CALU: variants seen among roughly 807,000 people sequenced by gnomAD.
The protein encoded by CALU is IEF SSP 9302.
A neutral mutation model predicts 37.5 loss-of-function variants in CALU; 13 were observed. The ratio of observed to expected loss-of-function variants is 0.35; its 90% confidence interval spans 0.23 to 0.55. The LOEUF (loss-of-function observed/expected upper bound fraction) is 0.55, where lower values mean the gene tolerates loss of function less well. Ranked by LOEUF, CALU falls within the 20% of genes least tolerant of loss-of-function variation. The pLI, the probability that CALU is intolerant of heterozygous loss-of-function variation, is 0.89. For synonymous variants in CALU, 114 were observed against 133.8 expected, an observed-to-expected ratio of 0.85 and a Z score of 1.02; for missense variants, 282 against 391.7, an observed-to-expected ratio of 0.72 and a Z score of 2.36.
In CALU at chr7:128,740,163, A is replaced by G. The variant is rs775844039; in HGVS notation, c.-12+731A>G. 4.6e-5 allele frequency among the ~76,000 whole-genome samples: 7 copies of G among 152,220 alleles called. No individual in the cohort carries two copies. The South Asian group carries it at 1.0e-3, about 23-fold the overall frequency. ...CGGTCAGAAATAAACTTAATTCCCT[A>G]TAGCTGCCGCGATTAAGCGTAGAGT... is the stretch of plus-strand genomic sequence containing the variant. On this transcript the variant is annotated intron_variant, in intron 1 of 6. Transcript: ENST00000249364.
rs1800550598 is a variant in CALU, at chr7:128,748,864, T to C, written c.221+60T>C. On this transcript the variant is annotated intron_variant, in intron 2 of 6. Coordinates refer to ENST00000249364, the MANE Select transcript of CALU (RefSeq NM_001219.5). ...AATGACATTCTTTATAAAGGCTAAT[T>C]CTTTTCTTTTCTGGCTCAGTTATGA... 2.7e-6 allele frequency: 3 copies of C among 1,129,664 alleles called. No individual in the cohort carries two copies. In the Admixed American group the frequency reaches 6.1e-5, roughly 23 times the overall value. The allele number at this position is 1,129,664 out of a possible 1,614,324, so 70.0% of individuals were successfully genotyped here.
In CALU at chr7:128,768,847, C is replaced by CAAAAAAAAAAAA. The variant is rs1012831963; in HGVS notation, c.844-206_844-195dup. Reference sequence around the variant, plus strand: ...GGGCAACAAGAGCGAAACTCCGTCTCAAAAAAAAAAAAAAAAAAAAACAAG... The same window carrying CAAAAAAAAAAAA: ...GGGCAACAAGAGCGAAACTCCGTCTCAAAAAAAAAAAAAAAAAAAAAAAAAAAAAAAAACAAG... On this transcript the variant is annotated intron_variant, in intron 6 of 6. Transcript: ENST00000249364. Among the ~76,000 whole-genome samples, 378 of 55,062 alleles carry CAAAAAAAAAAAA rather than the reference C, an allele frequency of 6.9e-3. 13 individuals carry two copies. The highest frequency in any genetic ancestry group is 0.011 in the Middle Eastern group (1 of 88). 36.1% of individuals were successfully genotyped at this position (55,062 alleles called of 152,430 possible).
intron 1 of CALU, chr7:128,748,087 G>A (rs893669081): frequency 6.3e-6 from 2 of 318,696 alleles, no homozygotes; most frequent in East Asian, 5.4e-5. Flanking sequence ...TTAAAGCTAC[G>A]AATGTCTGAA....
chr7:128,751,682 G>A (rs1800682112), intron 2 of CALU, among the ~76,000 whole-genome samples: 1 of 152,138 alleles, frequency 6.6e-6, no homozygotes, highest in Admixed American at 6.5e-5. Context: ...AGCTGTAATT[G>A]TACCACTGCC....
intron 5 of CALU, among the ~76,000 whole-genome samples, chr7:128,767,249 G>A (rs919777245): frequency 6.6e-6 from 1 of 152,196 alleles, no homozygotes; most frequent in Non-Finnish European, 1.5e-5. Context: ...CTTAAAATCA[G>A]CAGCTGGAAA....
intron 2 of CALU, 145 bp downstream of exon 2, chr7:128,748,949 C>G (rs994634977): frequency 3.3e-6 from 2 of 597,164 alleles, no homozygotes; most frequent in African/African-American, 3.7e-5. Context: ...ATTACTACCT[C>G]TAAAATTTCA....
intron 1 of CALU, among the ~76,000 whole-genome samples, chr7:128,746,700 C>T (rs1426109292): frequency 6.6e-6 from 1 of 151,806 alleles, no homozygotes; most frequent in Non-Finnish European, 1.5e-5. Flanking sequence ...GATCCGCCTG[C>T]ATTAGCCTCC....
intron 2 of CALU, among the ~76,000 whole-genome samples, chr7:128,749,127 C>G (rs1051024822): frequency 2.6e-5 from 4 of 152,208 alleles, no homozygotes; most frequent in Non-Finnish European, 5.9e-5. Flanking sequence ...CTTCTCATCT[C>G]TACTGCTTTT....
rs1045312817 is a variant in CALU, at chr7:128,770,520, T to C, written c.*1353T>C. ...TTTGGTTTGAGGACCATGGCTTACC[T>C]TTCCTGCCTTTGACCCATCACACCC... is the stretch of plus-strand genomic sequence containing the variant. On this transcript the variant is annotated 3_prime_UTR_variant, in exon 7 of 7. Coordinates refer to ENST00000249364, the MANE Select transcript of CALU (RefSeq NM_001219.5). The C allele has an allele frequency of 2.0e-5, 3 of 152,002 alleles. No homozygotes were observed. Among genetic ancestry groups the C allele is most frequent in the Non-Finnish European group, 4.4e-5 (3 of 68,004 alleles). The allele number at this position is 152,002 out of a possible 1,614,324, so 9.4% of individuals were successfully genotyped here.
chr7:128,753,157 A>G (rs776241936), intron 2 of CALU, among the ~76,000 whole-genome samples: 9 of 152,236 alleles, frequency 5.9e-5, no homozygotes, highest in African/African-American at 9.6e-5. Flanking sequence ...GTACTTTTCA[A>G]TTCTGATCAC....
At chr7:128,752,534 G>C (rs1459534263) in intron 2 of CALU, among the ~76,000 whole-genome samples, 1 of 152,090 alleles carries the variant, frequency 6.6e-6, no homozygotes, top group Non-Finnish European at 1.5e-5. Flanking sequence ...AGTACCATTT[G>C]AGCACAAACT....
rs1208633947 is a variant in CALU at position 128,772,601 on chromosome 7, G to C, written c.*3434G>C. ...AACTTCTGTTTTCTGGGAGCTGCAT[G>C]TGTCGGATTCATCTGTCATGGCCTT... On this transcript the variant is annotated 3_prime_UTR_variant, in exon 7 of 7. Transcript: ENST00000249364. The C allele has an allele frequency of 4.3e-6, 7 of 1,614,214 alleles. No homozygotes were observed. The highest frequency in any genetic ancestry group is 5.9e-6 in the Non-Finnish European group (7 of 1,180,016).
At position 128,748,593 on chromosome 7, in the gene CALU, C is replaced by T. The variant is rs143724366; in HGVS notation, c.10C>T (p.Arg4Ter). 17 of 1,613,490 alleles carry T rather than the reference C, an allele frequency of 1.1e-5. No homozygotes were observed. The highest frequency in any genetic ancestry group is 3.4e-6 in the Non-Finnish European group (4 of 1,179,588). The change falls in exon 2 of 7, where the codon CGA becomes TGA. Residue 4 changes from arginine to a stop codon, truncating the protein, a stop_gained. Coordinates refer to ENST00000249364, the MANE Select transcript of CALU (RefSeq NM_001219.5). LOFTEE classifies it high-confidence loss of function. ...TCAAGATCTAATTATCATGGACCTGCGACAGTTTCTTATGTGCCTGTCCCT... is the reference window on the plus strand; with the variant it reads ...TCAAGATCTAATTATCATGGACCTGTGACAGTTTCTTATGTGCCTGTCCCT... MDL[R>*]QFLMCLSLCT... is the part of the protein sequence containing the mutation.
intron 1 of CALU, 180 bp from the exon 2 acceptor site, chr7:128,748,393 G>A (rs1223926389): frequency 6.8e-7 from 1 of 1,464,820 alleles, no homozygotes; most frequent in Non-Finnish European, 9.2e-7. Context: ...TGTAATAATT[G>A]AAGAGTCTGA....
At chr7:128,764,265 A>G (rs1801238185) in intron 5 of CALU, among the ~76,000 whole-genome samples, 2 of 135,614 alleles carry the variant, frequency 1.5e-5, no homozygotes, top group African/African-American at 5.0e-5. Flanking sequence ...CTGTCTCTAC[A>G]AAAAATACAA....
intron 3 of CALU, among the ~76,000 whole-genome samples, chr7:128,756,028 C>T (rs1279779537): frequency 2.6e-5 from 4 of 152,162 alleles, no homozygotes; most frequent in Non-Finnish European, 5.9e-5. Flanking sequence ...ACTAAAGTGG[C>T]ACTCTCTCTC....
In CALU at chr7:128,769,100, A is replaced by G. The variant is rs535309312; in HGVS notation, c.881A>G (p.Tyr294Cys). ...ACCAAGGAGGAGATCGTTGACAAGT[A>G]TGACTTATTTGTTGGCAGCCAGGCC... ...KLTKEEIVDK[Y>C]DLFVGSQATD... Residue 294 changes from tyrosine (Y) to cysteine (C), a missense_variant, in exon 7 of 7, where the codon TAT (tyrosine) becomes TGT (cysteine). Tyr to Cys is a radical substitution (Grantham distance 194). Coordinates refer to ENST00000249364, the MANE Select transcript of CALU (RefSeq NM_001219.5). 14 of 1,613,310 alleles carry G rather than the reference A, an allele frequency of 8.7e-6. No homozygotes were observed. The South Asian group carries it at 9.9e-5, about 11-fold the overall frequency.
chr7:128,740,504 G>A (rs1800192493), intron 1 of CALU, among the ~76,000 whole-genome samples: 1 of 151,704 alleles, frequency 6.6e-6, no homozygotes, highest in African/African-American at 2.4e-5. Context: ...ACCTCACTCA[G>A]TAGATTTAAT....
chr7:128,754,506 A>G (rs1280170662), intron 3 of CALU, 51 bp downstream of exon 3: 1 of 1,597,534 alleles, frequency 6.3e-7, no homozygotes, highest in East Asian at 2.2e-5. Context: ...GGCACCTTGA[A>G]ACGTAACTGT....
Sources: allele counts gnomAD v4.1 joint callset (sites outside exome capture counted in the v4.1 genomes callset), GRCh38; gene constraint gnomAD v4.1.1; transcripts MANE v1.5; gene names NCBI Gene and HGNC (gene_info 2026-07-23, HGNC 2026-07-21).